Variants in DYNC1LI2 observed in about 807,000 individuals in gnomAD.
The protein encoded by DYNC1LI2 is dynein cytoplasmic 1 light intermediate chain 2.
DYNC1LI2 carries 19 observed loss-of-function variants against 57.8 expected under a neutral mutation model. That is an observed-to-expected ratio of 0.33 (90% CI 0.23 to 0.48). The LOEUF (loss-of-function observed/expected upper bound fraction) is 0.48, where lower values mean the gene tolerates loss of function less well. Ranked by LOEUF, DYNC1LI2 falls within the 20% of genes least tolerant of loss-of-function variation. The probability of loss-of-function intolerance (pLI) is 0.99; values close to 1 mark genes in which losing one functional copy is unlikely to be tolerated. For missense variants in DYNC1LI2, 470 were observed against 604.2 expected (o/e 0.78, Z 2.33); for synonymous variants, 256 against 233.4 (o/e 1.10, Z -0.88).
intron 4 of DYNC1LI2, among the ~76,000 whole-genome samples, chr16:66,741,734 CAGA>C (rs2017840579): frequency 6.6e-6 from 1 of 151,642 alleles, no homozygotes; most frequent in Non-Finnish European, 1.5e-5. Flanking sequence ...GGCAAGTGGA[CAGA>C]AGATGATGTA....
At chr16:66,730,265 C>G (rs2017612156) in intron 7 of DYNC1LI2, 42 bp from the exon 8 acceptor site, 5 of 1,563,548 alleles carry the variant, frequency 3.2e-6, no homozygotes, top group Non-Finnish European at 3.5e-6. Context: ...TTTCCTGGGG[C>G]TGCCTTAGAG....
intron 4 of DYNC1LI2, chr16:66,739,066 CT>C (rs1337650510): frequency 6.6e-6 from 1 of 152,206 alleles, no homozygotes; most frequent in African/African-American, 2.4e-5. Flanking sequence ...ACATTTTTCT[CT>C]TTAAAAGCAC....
chr16:66,735,060 C>A (rs2017708269), intron 5 of DYNC1LI2, among the ~76,000 whole-genome samples: 4 of 131,576 alleles, frequency 3.0e-5, no homozygotes, highest in African/African-American at 5.8e-5. Flanking sequence ...ATAAGAGATA[C>A]AACTTTATTT....
chr16:66,748,535 A>G (rs2017981495), intron 3 of DYNC1LI2, among the ~76,000 whole-genome samples: 1 of 151,880 alleles, frequency 6.6e-6, no homozygotes. Context: ...CTACTCCTCT[A>G]CCAGAAGAAA....
intron 3 of DYNC1LI2, among the ~76,000 whole-genome samples, chr16:66,745,931 A>C (rs1478691966): frequency 6.6e-6 from 1 of 152,014 alleles, no homozygotes; most frequent in African/African-American, 2.4e-5. Context: ...AAAACAAAAC[A>C]AACAAAAAAA....
intron 7 of DYNC1LI2, chr16:66,731,052 C>A (rs1280709315): frequency 1.3e-5 from 2 of 152,270 alleles, no homozygotes; most frequent in African/African-American, 2.4e-5. Context: ...GGGTGCTCCA[C>A]CCCAATATCC....
chr16:66,728,043 G>C (rs1026351670), intron 10 of DYNC1LI2, 158 bp downstream of exon 10: 1 of 1,070,066 alleles, frequency 9.3e-7, no homozygotes, highest in Non-Finnish European at 1.3e-6. Flanking sequence ...AACTTCTTGA[G>C]TTTCTTTTAT....
chr16:66,739,518 T>G (rs928340019), intron 4 of DYNC1LI2, among the ~76,000 whole-genome samples: 1 of 152,166 alleles, frequency 6.6e-6, no homozygotes, highest in Non-Finnish European at 1.5e-5. Flanking sequence ...CATGGCTCAC[T>G]GCAGCCTCGA....
In DYNC1LI2 at chr16:66,736,160, G is replaced by C. The variant is rs988014701; in HGVS notation, c.614C>G (p.Ser205Cys). The change falls in exon 5 of 13, where the codon TCC becomes TGC. Residue 205 changes from serine (S) to cysteine (C), a missense_variant. Coordinates refer to ENST00000258198, the MANE Select transcript of DYNC1LI2 (RefSeq NM_006141.3). ...AGGCAGGGCAACATTTTCTTCATCG[G>C]AGCCTGAGGTCAGAGGGCCTCTTCT... ...PQRRGPLTSG[S>C]DEENVALPLG... is the part of the protein sequence containing the mutation. 1 of 1,614,042 alleles carries C rather than the reference G, an allele frequency of 6.2e-7. No homozygotes were observed.
intron 5 of DYNC1LI2, among the ~76,000 whole-genome samples, chr16:66,735,110 T>G (rs1426626468): frequency 6.6e-6 from 1 of 150,572 alleles, no homozygotes; most frequent in African/African-American, 2.4e-5. Context: ...GTTTTTTTTT[T>G]CTTTTTTTTT....
chr16:66,750,640 T>C (rs535486481), intron 2 of DYNC1LI2, among the ~76,000 whole-genome samples: 23 of 152,300 alleles, frequency 1.5e-4, no homozygotes, highest in East Asian at 5.8e-4. Flanking sequence ...GATTCTTCTA[T>C]AGTGTTTAAG....
At position 66,736,198 on chromosome 16, in the gene DYNC1LI2, T is replaced by C. The variant is rs747482221; in HGVS notation, c.576A>G (p.Gln192=). The C allele has an allele frequency of 3.7e-6, 6 of 1,613,998 alleles. No individual in the cohort carries two copies. The highest frequency in any genetic ancestry group is 5.1e-6 in the Non-Finnish European group (6 of 1,180,036). ...QDYMEPEEGC[Q]GSPQRRGPLT... is the part of the protein sequence containing the mutation. ...GAGGGCCTCTTCTCTGTGGGGAACC[T>C]TGACAACCTTCTTCAGGTTCCATAT... Residue 192 remains glutamine, a synonymous_variant, in exon 5 of 13, where the codon CAA becomes CAG. Transcript: ENST00000258198.
At chr16:66,730,518 T>C in intron 7 of DYNC1LI2, 1 of 238,958 alleles carries the variant, frequency 4.2e-6, no homozygotes, top group Non-Finnish European at 8.1e-6. Context: ...CCCACAACTC[T>C]GCCTAGAAGA....
intron 11 of DYNC1LI2, among the ~76,000 whole-genome samples, chr16:66,726,949 C>T (rs2017547657): frequency 6.6e-6 from 1 of 151,868 alleles, no homozygotes; most frequent in Admixed American, 6.6e-5. Flanking sequence ...CAGTCTCTCA[C>T]TCTGTCACCC....
At chr16:66,742,764 G>A (rs1045108240) in intron 3 of DYNC1LI2, 96 bp from the exon 4 acceptor site, 1 of 1,343,882 alleles carries the variant, frequency 7.4e-7, no homozygotes, top group Non-Finnish European at 1.0e-6. Flanking sequence ...GAAGGTGACA[G>A]CTATGAATTC....
In DYNC1LI2 at chr16:66,723,595, T is replaced by C. The variant is rs2017485890; in HGVS notation, c.*127A>G. The C allele has an allele frequency of 1.3e-6, 1 of 776,868 alleles. No homozygotes were observed. Among genetic ancestry groups the C allele is most frequent in the Admixed American group, 2.9e-5 (1 of 34,918 alleles). 48.1% of individuals were successfully genotyped at this position (776,868 alleles called of 1,614,324 possible). On this transcript the variant is annotated 3_prime_UTR_variant, in exon 13 of 13. Transcript: ENST00000258198. ...GACAAGCCAATGAAGTTTTTTTTTT[T>C]TTTTTAAAGTTCATCTCCCCTGCCC...
Position 66,726,631 on chromosome 16 carries a change from A to G in DYNC1LI2, c.1262-687T>C, listed in dbSNP as rs1478097255. Among the ~76,000 whole-genome samples the G allele has an allele frequency of 2.0e-5, 3 of 152,156 alleles. No individual in the cohort carries two copies. The East Asian group carries it at 5.8e-4, about 29-fold the overall frequency. ...CAACGTAAGTGAGACCCCTACCTCT[A>G]TAAAAAATATTTTTGTTTGTGTTTT... On this transcript the variant is annotated intron_variant, in intron 11 of 12. Coordinates refer to ENST00000258198, the MANE Select transcript of DYNC1LI2 (RefSeq NM_006141.3).
intron 11 of DYNC1LI2, among the ~76,000 whole-genome samples, chr16:66,726,871 G>C (rs2017545829): frequency 6.6e-6 from 1 of 151,610 alleles, no homozygotes; most frequent in Non-Finnish European, 1.5e-5. Flanking sequence ...GCCCTCAAGT[G>C]ATCTGCCCGC....
In DYNC1LI2 at chr16:66,723,623, A is replaced by C; in HGVS notation, c.*99T>G. ...TTTAAAGTTCATCTCCCCTGCCCCA[A>C]AAAACTGATAGCATGTGCCATATCA... On this transcript the variant is annotated 3_prime_UTR_variant, in exon 13 of 13. Coordinates refer to ENST00000258198, the MANE Select transcript of DYNC1LI2 (RefSeq NM_006141.3). 1 of 1,103,098 alleles carries C rather than the reference A, an allele frequency of 9.1e-7. No individual in the cohort carries two copies. Among genetic ancestry groups the C allele is most frequent in the Non-Finnish European group, 1.3e-6 (1 of 770,042 alleles). The allele number at this position is 1,103,098 out of a possible 1,614,324, so 68.3% of individuals were successfully genotyped here.
Sources: gnomAD v4.1 joint callset for allele counts (sites outside exome capture counted in the v4.1 genomes callset) on GRCh38, gnomAD v4.1.1 for gene constraint, MANE v1.5 for transcripts, NCBI Gene and HGNC (gene_info 2026-07-23, HGNC 2026-07-21) for gene names.